The following B3GNT3 variants were observed in gnomAD, a reference collection of about 807,000 sequenced individuals.
B3GNT3 encodes the protein N-acetyllactosaminide beta-1,3-N-acetylglucosaminyltransferase 3.
Under a neutral mutation model 11.6 loss-of-function variants are expected in B3GNT3, and 7 were observed. That is an observed-to-expected ratio of 0.60 (90% CI 0.34 to 1.13). B3GNT3 has a LOEUF of 1.13. Among genes scored for constraint, B3GNT3 ranks in the 50% most tolerant of loss-of-function variants. The probability of loss-of-function intolerance (pLI) is 0.03; values close to 1 mark genes in which losing one functional copy is unlikely to be tolerated. For missense variants in B3GNT3, 400 were observed against 507.4 expected (o/e 0.79, Z 2.03); for synonymous variants, 201 against 222.1 (o/e 0.90, Z 0.85).
Position 17,812,272 on chromosome 19 carries a change from A to C in B3GNT3, c.*150A>C. On this transcript the variant is annotated 3_prime_UTR_variant, in exon 3 of 3. Transcript: ENST00000318683. ...GATGAGTGAATATTCTGGCTGGCGA[A>C]CTCCTACACATCCTTCAAAACCCAC... 1 of 829,454 alleles carries C rather than the reference A, an allele frequency of 1.2e-6. No homozygotes were observed. The highest frequency in any genetic ancestry group is 1.9e-5 in the South Asian group (1 of 53,490). The allele number at this position is 829,454 out of a possible 1,614,324, so 51.4% of individuals were successfully genotyped here.
At chr19:17,809,971 C>A (rs1343929301) in intron 2 of B3GNT3, among the ~76,000 whole-genome samples, 1 of 152,076 alleles carries the variant, frequency 6.6e-6, no homozygotes, top group South Asian at 2.1e-4. Context: ...TGTTTCTCTG[C>A]GGGTGACCTC....
At chr19:17,795,517 G>T (rs1048216168) in intron 1 of B3GNT3, among the ~76,000 whole-genome samples, 2 of 152,244 alleles carry the variant, frequency 1.3e-5, no homozygotes, top group Non-Finnish European at 2.9e-5. Context: ...CGCTTAGTCA[G>T]ACTTGGCTGT....
In B3GNT3 at chr19:17,812,316, C is replaced by T; in HGVS notation, c.*194C>T. ...AACCCACCTGGTACTGTTCCAGCAT[C>T]TTCCCTGGATGGCTGGAGGAACTCC... On this transcript the variant is annotated 3_prime_UTR_variant, in exon 3 of 3. Transcript: ENST00000318683. The T allele has an allele frequency of 1.7e-6, 1 of 581,732 alleles. No individual in the cohort carries two copies. Among genetic ancestry groups the T allele is most frequent in the Non-Finnish European group, 3.0e-6 (1 of 338,800 alleles). The allele number at this position is 581,732 out of a possible 1,614,324, so 36.0% of individuals were successfully genotyped here.
rs2094174825 is a variant in B3GNT3, at chr19:17,807,611, G to A, written c.-50-147G>A. The A allele has an allele frequency of 2.3e-5, 13 of 566,444 alleles. 1 individual carries two copies. The South Asian group carries it at 2.3e-4, about 10-fold the overall frequency. The allele number at this position is 566,444 out of a possible 1,614,324, so 35.1% of individuals were successfully genotyped here. ...CAGGGGTTGGAGTGCTTTGAAATGG[G>A]TCTTGCAAGGGGTGGAGGAGTTAAG... On this transcript the variant is annotated intron_variant, in intron 1 of 2. Transcript: ENST00000318683.
chr19:17,798,925 G>A (rs532806096), intron 1 of B3GNT3, among the ~76,000 whole-genome samples: 2 of 152,032 alleles, frequency 1.3e-5, no homozygotes, highest in East Asian at 1.9e-4. Context: ...AGCTATGATC[G>A]TGCCACTGCA....
In B3GNT3 at chr19:17,807,783, C is replaced by G; in HGVS notation, c.-25C>G. The G allele has an allele frequency of 6.3e-7, 1 of 1,587,066 alleles. No homozygotes were observed. Among genetic ancestry groups the G allele is most frequent in the Non-Finnish European group, 8.6e-7 (1 of 1,162,280 alleles). Reference sequence around the variant, plus strand: ...GAGCCGCCCAGGAGGCTCCTCAGGCCGACCCCAGACCCTGGCTGGCCAGGA... The same window carrying G: ...GAGCCGCCCAGGAGGCTCCTCAGGCGGACCCCAGACCCTGGCTGGCCAGGA... On this transcript the variant is annotated 5_prime_UTR_variant, in exon 2 of 3. Coordinates refer to ENST00000318683, the MANE Select transcript of B3GNT3 (RefSeq NM_014256.4).
At position 17,810,173 on chromosome 19, in the gene B3GNT3, G is replaced by A. The variant is rs577756499; in HGVS notation, c.568-1398G>A. 4.1e-4 allele frequency among the ~76,000 whole-genome samples: 63 copies of A among 152,208 alleles called. No homozygotes were observed. In the South Asian group the frequency reaches 0.01, roughly 25 times the overall value. The stretch of plus-strand genomic sequence containing the variant: ...GAGGCTGAGGCGGGTAGGGGCCATG[G>A]CCTCTTAACATGCTGTGTTCTGAAA... On this transcript the variant is annotated intron_variant, in intron 2 of 2. Transcript: ENST00000318683.
At position 17,811,631 on chromosome 19, in the gene B3GNT3, G is replaced by A. The variant is rs2094180852; in HGVS notation, c.628G>A (p.Asp210Asn). 1 of 1,614,098 alleles carries A rather than the reference G, an allele frequency of 6.2e-7. No individual in the cohort carries two copies. The highest frequency in any genetic ancestry group is 1.7e-5 in the Admixed American group (1 of 60,004). The change falls in exon 3 of 3, where the codon GAT (aspartate) becomes AAT (asparagine). Residue 210 changes from aspartate to asparagine, a missense_variant. Asp to Asn is a conservative substitution (Grantham distance 23). Transcript: ENST00000318683. The surrounding 1 kb of genome is among the most constrained non-coding windows in gnomAD (Gnocchi z 4.1). ...CAACGCCAGCTTCGTGCTCAACGGG[G>A]ATGATGACGTCTTTGCACACACAGA... ...CANASFVLNGDDDVFAHTDNM... is the reference protein window; with the variant it reads ...CANASFVLNGNDDVFAHTDNM...
At chr19:17,807,111 A>AGTGTGTGTGT (rs56140662) in intron 1 of B3GNT3, among the ~76,000 whole-genome samples, 2,833 of 116,264 alleles carry the variant, frequency 0.024, 136 homozygotes, top group African/African-American at 0.082. Context: ...CAGTGGCCCC[A>AGTGTGTGTGT]GTGTGTGTGT....
intron 2 of B3GNT3, among the ~76,000 whole-genome samples, chr19:17,809,086 G>A (rs537524793): frequency 3.3e-5 from 5 of 152,076 alleles, no homozygotes; most frequent in South Asian, 2.1e-4. Flanking sequence ...TTCCCGCCTC[G>A]GCCTCCCAAA....
chr19:17,805,944 C>T (rs913956436), intron 1 of B3GNT3, among the ~76,000 whole-genome samples: 2 of 151,868 alleles, frequency 1.3e-5, no homozygotes, highest in African/African-American at 2.4e-5. Flanking sequence ...ACCTCAAGCA[C>T]ATGCTACCAC....
At chr19:17,798,008 G>A (rs577256990) in intron 1 of B3GNT3, among the ~76,000 whole-genome samples, 1 of 152,220 alleles carries the variant, frequency 6.6e-6, no homozygotes, top group East Asian at 1.9e-4. Context: ...GTGTGACCTT[G>A]GGCAGAGTTG....
At position 17,811,120 on chromosome 19, in the gene B3GNT3, G is replaced by A. The variant is rs2094180156; in HGVS notation, c.568-451G>A. ...TACCAGCTACTTGGGAGGCTGAGGT[G>A]GAAGGATCACCTGAGCCCGGGAATT... On this transcript the variant is annotated intron_variant, in intron 2 of 2. Transcript: ENST00000318683. This position sits in a 1 kb window ranked among gnomAD's most constrained non-coding sequence, Gnocchi z 4.1. Among the ~76,000 whole-genome samples the A allele has an allele frequency of 6.6e-6, 1 of 151,888 alleles. No individual in the cohort carries two copies.
rs1469793304 is a variant in B3GNT3, at chr19:17,811,078, GC to G, written c.568-492del. Among the ~76,000 whole-genome samples the G allele has an allele frequency of 6.6e-6, 1 of 151,736 alleles. No individual in the cohort carries two copies. The highest frequency in any genetic ancestry group is 1.9e-4 in the East Asian group (1 of 5,152). ...AAAAATTATTAGCCAGGAGTAAGTA[GC>G]GGCATGTGTCTGTAGTACCAGCTAC... On this transcript the variant is annotated intron_variant, in intron 2 of 2. Transcript: ENST00000318683. This position sits in a 1 kb window ranked among gnomAD's most constrained non-coding sequence, Gnocchi z 4.1.
Position 17,813,450 on chromosome 19 carries a change from T to A in B3GNT3, c.*1328T>A, listed in dbSNP as rs2094183757. ...GGGCGGCAATAAGAAGACAAAAACA[T>A]AAAACAGGACATGTGTGAGGCAAAA... is the stretch of plus-strand genomic sequence containing the variant. On this transcript the variant is annotated 3_prime_UTR_variant, in exon 3 of 3. Transcript: ENST00000318683. Among the ~76,000 whole-genome samples the A allele has an allele frequency of 6.6e-6, 1 of 151,970 alleles. No homozygotes were observed. The highest frequency in any genetic ancestry group is 6.6e-5 in the Admixed American group (1 of 15,208).
In B3GNT3 at chr19:17,808,106, C is replaced by A. The variant is rs182226982; in HGVS notation, c.299C>A (p.Pro100His). The change falls in exon 2 of 3, where the codon CCC becomes CAC. Residue 100 changes from proline to histidine, a missense_variant. Physicochemically the swap from Pro to His is moderately conservative, Grantham distance 77. Transcript: ENST00000318683. ...TTTCCCCTGCTGCAGGACGTGCCCC[C>A]CTCTAAGTGCGCGCAGCCGGTCTTC... Reference protein sequence around the residue: ...RHFPLLQDVPPSKCAQPVFLL... With the variant: ...RHFPLLQDVPHSKCAQPVFLL... 2 of 1,613,904 alleles carry A rather than the reference C, an allele frequency of 1.2e-6. No individual in the cohort carries two copies. The highest frequency in any genetic ancestry group is 8.5e-7 in the Non-Finnish European group (1 of 1,179,920).
intron 1 of B3GNT3, among the ~76,000 whole-genome samples, chr19:17,800,266 T>C (rs1431738578): frequency 6.6e-6 from 1 of 152,114 alleles, no homozygotes; most frequent in Non-Finnish European, 1.5e-5. Flanking sequence ...TCTCAGCTAC[T>C]TGGGAGGCTG....
intron 1 of B3GNT3, among the ~76,000 whole-genome samples, chr19:17,806,333 TCTA>T (rs761437928): frequency 1.3e-4 from 20 of 152,214 alleles, no homozygotes; most frequent in Non-Finnish European, 2.2e-4. Context: ...CCCAAGCTGT[TCTA>T]CTTATTGTTA....
Position 17,813,366 on chromosome 19 carries a change from C to T in B3GNT3, c.*1244C>T, listed in dbSNP as rs891586466. ...ACTTGGGAGGCTGAGGCGAGAGGAT[C>T]GCTTGAGCCCAGGAGTTGGAGGCTG... On this transcript the variant is annotated 3_prime_UTR_variant, in exon 3 of 3. Transcript: ENST00000318683. 7.9e-5 allele frequency among the ~76,000 whole-genome samples: 12 copies of T among 152,174 alleles called. No individual in the cohort carries two copies. Among genetic ancestry groups the T allele is most frequent in the African/African-American group, 2.7e-4 (11 of 41,502 alleles).
Sources: gnomAD v4.1 joint callset for allele counts (sites outside exome capture counted in the v4.1 genomes callset) on GRCh38, gnomAD v4.1.1 for gene constraint, Gnocchi (gnomAD v3.1) non-coding constraint, MANE v1.5 for transcripts, NCBI Gene and HGNC (gene_info 2026-07-23, HGNC 2026-07-21) for gene names.